The following VAMP7 variants were observed in gnomAD, a reference collection of about 807,000 sequenced individuals.
The protein encoded by VAMP7 is vesicle-associated membrane protein 7.
A neutral mutation model predicts 29.6 loss-of-function variants in VAMP7; 14 were observed. The observed-to-expected ratio is 0.47, with a 90% confidence interval of 0.31 to 0.74. VAMP7 has a LOEUF of 0.74. Among genes scored for constraint, VAMP7 ranks in the 30% least tolerant of loss-of-function variants. The probability of loss-of-function intolerance (pLI) is 0.05; values close to 1 mark genes in which losing one functional copy is unlikely to be tolerated. For missense variants in VAMP7, 223 were observed against 262.4 expected (o/e 0.85, Z 1.04); for synonymous variants, 95 against 88.1 (o/e 1.08, Z -0.44).
At chrX:155,923,293 A>C (rs917113086) in intron 6 of VAMP7, among the ~76,000 whole-genome samples, 12 of 151,912 alleles carry the variant, frequency 7.9e-5, no homozygotes, top group Non-Finnish European at 1.3e-4. Context: ...CCGAGTTTCT[A>C]TCTGATGTTA....
intron 7 of VAMP7, among the ~76,000 whole-genome samples, chrX:155,940,230 C>T (rs1239210001): frequency 6.6e-6 from 1 of 151,964 alleles, no homozygotes; most frequent in East Asian, 1.9e-4. Context: ...GGTCCTAAAC[C>T]ACAACTTTAA....
chrX:155,895,591 C>T (rs1163696832), intron 2 of VAMP7, 32 bp from the exon 3 acceptor site: 6 of 1,540,354 alleles, frequency 3.9e-6, no homozygotes, highest in Non-Finnish European at 5.4e-6. Flanking sequence ...TTGCTTATAA[C>T]CACAGTAAGT....
At chrX:155,940,757 G>T (rs1454185721) in intron 7 of VAMP7, among the ~76,000 whole-genome samples, 2 of 152,058 alleles carry the variant, frequency 1.3e-5, no homozygotes, top group African/African-American at 2.4e-5. Context: ...CATCAAGTTG[G>T]TAAACTTTAC....
intron 6 of VAMP7, among the ~76,000 whole-genome samples, chrX:155,925,677 G>C (rs1232565453): frequency 6.6e-6 from 1 of 152,200 alleles, no homozygotes; most frequent in Non-Finnish European, 1.5e-5. Context: ...GGGGCCTCCA[G>C]GTCTTAGATA....
chrX:155,888,718 T>G (rs1025921571), intron 1 of VAMP7, among the ~76,000 whole-genome samples: 19 of 152,184 alleles, frequency 1.2e-4, no homozygotes, highest in African/African-American at 4.6e-4. Context: ...TTGAGTTATT[T>G]TCACTTTGTT....
At chrX:155,900,610 A>T in intron 5 of VAMP7, 23 bp downstream of exon 5, 1 of 1,578,432 alleles carries the variant, frequency 6.3e-7, no homozygotes, top group Non-Finnish European at 8.6e-7. Flanking sequence ...GCATAGTTTC[A>T]TGCATGTGGG....
chrX:155,899,557 C>CAG (rs1283494831), intron 4 of VAMP7, among the ~76,000 whole-genome samples: 1 of 151,678 alleles, frequency 6.6e-6, no homozygotes, highest in African/African-American at 2.4e-5. Context: ...CACACACACA[C>CAG]GCACACACAT....
chrX:155,910,247 A>T (rs2066217398), intron 5 of VAMP7, among the ~76,000 whole-genome samples: 1 of 152,106 alleles, frequency 6.6e-6, no homozygotes, highest in South Asian at 2.1e-4. Context: ...TAACATAATA[A>T]CCTCCAGTTA....
In VAMP7 at chrX:155,933,822, C is replaced by G. The variant is rs183572191; in HGVS notation, c.502-5879C>G. ...GTCAATTTTATATCTTTCCTGCTTC[C>G]TTTTGTGGGCATTTAGTGCTATAAA... On this transcript the variant is annotated intron_variant, in intron 6 of 7. Transcript: ENST00000286448. 5.3e-3 allele frequency among the ~76,000 whole-genome samples: 800 copies of G among 152,118 alleles called. 5 individuals carry two copies. The highest frequency in any genetic ancestry group is 0.017 in the African/African-American group (716 of 41,460).
chrX:155,916,576 G>T lies in VAMP7; in HGVS notation c.434-3237G>T, dbSNP rs180844623. ...GTGGTGACAAAATCTCTCAGCATTT[G>T]CATGTCTGTAAAGGATTTTATTTCT... On this transcript the variant is annotated intron_variant, in intron 5 of 7. Transcript: ENST00000286448. Among the ~76,000 whole-genome samples the T allele has an allele frequency of 4.6e-5, 7 of 152,242 alleles. No individual in the cohort carries two copies. In the East Asian group the frequency reaches 1.4e-3, roughly 29 times the overall value.
chrX:155,884,129 C>G (rs1289549412), intron 1 of VAMP7, among the ~76,000 whole-genome samples: 1 of 149,602 alleles, frequency 6.7e-6, no homozygotes, highest in African/African-American at 2.5e-5. Context: ...TAAAATTAAA[C>G]TTTTTTTTTT....
At chrX:155,931,747 AT>A (rs1347140968) in intron 6 of VAMP7, among the ~76,000 whole-genome samples, 1 of 151,926 alleles carries the variant, frequency 6.6e-6, no homozygotes, top group Non-Finnish European at 1.5e-5. Context: ...TTTTGTTTCC[AT>A]TGTTTTTGGT....
At chrX:155,929,625 A>T (rs1404109256) in intron 6 of VAMP7, among the ~76,000 whole-genome samples, 1 of 152,090 alleles carries the variant, frequency 6.6e-6, no homozygotes, top group Non-Finnish European at 1.5e-5. Flanking sequence ...AGCATTTTAG[A>T]TATAAGTTTA....
intron 6 of VAMP7, among the ~76,000 whole-genome samples, chrX:155,920,458 T>G (rs2124350643): frequency 6.6e-6 from 1 of 152,252 alleles, no homozygotes; most frequent in East Asian, 1.9e-4. Context: ...AGATATATGG[T>G]GAACAGAAGG....
chrX:155,928,781 T>G (rs2124376263), intron 6 of VAMP7, among the ~76,000 whole-genome samples: 1 of 152,334 alleles, frequency 6.6e-6, no homozygotes, highest in South Asian at 2.1e-4. Flanking sequence ...ATAGGTGAAC[T>G]TGTTTTAAAC....
intron 5 of VAMP7, among the ~76,000 whole-genome samples, chrX:155,902,805 A>T (rs1465100154): frequency 2.0e-5 from 3 of 149,004 alleles, no homozygotes; most frequent in Non-Finnish European, 4.5e-5. Context: ...ATCAATGTTC[A>T]TCAAGGATAT....
At chrX:155,941,468 T>C (rs1461835361) in intron 7 of VAMP7, among the ~76,000 whole-genome samples, 1 of 152,172 alleles carries the variant, frequency 6.6e-6, no homozygotes, top group Non-Finnish European at 1.5e-5. Context: ...TATATTCTTA[T>C]ATTAATCAAA....
rs755049083 is a variant in VAMP7 at position 155,919,793 on chromosome X, T to G, written c.434-20T>G. On this transcript the variant is annotated intron_variant, in intron 5 of 7. Transcript: ENST00000286448. ...CTACAATGGAAAACTTGACCTTTTC[T>G]ACTTTTCCAATATTTTCAGATCTGG... is the stretch of plus-strand genomic sequence containing the variant. 6.2e-7 allele frequency: 1 copy of G among 1,602,966 alleles called. No homozygotes were observed. Among genetic ancestry groups the G allele is most frequent in the Non-Finnish European group, 8.5e-7 (1 of 1,173,326 alleles).
intron 6 of VAMP7, among the ~76,000 whole-genome samples, chrX:155,927,143 TCTCA>T (rs2066479069): frequency 6.6e-6 from 1 of 151,910 alleles, no homozygotes; most frequent in African/African-American, 2.4e-5. Context: ...TGCCGCATGT[TCTCA>T]CTCCTAAGTG....
Sources: gnomAD v4.1 joint callset for allele counts (sites outside exome capture counted in the v4.1 genomes callset) on GRCh38, gnomAD v4.1.1 for gene constraint, MANE v1.5 for transcripts, NCBI Gene and HGNC (gene_info 2026-07-23, HGNC 2026-07-21) for gene names.